Variants in SKA3 observed in about 807,000 individuals in gnomAD.
SKA3 encodes the protein spindle and kinetochore-associated protein 3.
A neutral mutation model predicts 44.2 loss-of-function variants in SKA3; 39 were observed. That is an observed-to-expected ratio of 0.88 (90% CI 0.68 to 1.15). The LOEUF is 1.15. SKA3 is among the 50% of genes most tolerant of loss of function. The pLI, the probability that SKA3 is intolerant of heterozygous loss-of-function variation, is 0.00. For missense variants in SKA3, 511 were observed against 485.8 expected (o/e 1.05, Z -0.49); for synonymous variants, 192 against 172.0 (o/e 1.12, Z -0.91).
intron 6 of SKA3, 40 bp from the exon 7 acceptor site, chr13:21,158,165 A>C: frequency 5.4e-6 from 7 of 1,284,492 alleles, no homozygotes; most frequent in Non-Finnish European, 7.8e-6. Context: ...TGGTAATATA[A>C]CATAATGTAG....
intron 6 of SKA3, among the ~76,000 whole-genome samples, chr13:21,158,431 G>A (rs946535529): frequency 2.6e-5 from 4 of 151,814 alleles, no homozygotes; most frequent in Non-Finnish European, 5.9e-5. Context: ...GACCAGCTTC[G>A]CCAACATGGT....
In SKA3 at chr13:21,154,133, T is replaced by C. The variant is rs886953915; in HGVS notation, c.*1017A>G. On this transcript the variant is annotated 3_prime_UTR_variant, in exon 9 of 9. Coordinates refer to ENST00000314759, the MANE Select transcript of SKA3 (RefSeq NM_145061.6). The stretch of plus-strand genomic sequence containing the variant: ...CCCAAAACTACGCCTTTGAAGTAAG[T>C]TGACATAATACTTGTTGTTTCTTCT... 1 of 152,250 alleles carries C rather than the reference T, an allele frequency of 6.6e-6. No homozygotes were observed. The highest frequency in any genetic ancestry group is 2.4e-5 in the African/African-American group (1 of 41,460). The allele number at this position is 152,250 out of a possible 1,614,324, so 9.4% of individuals were successfully genotyped here. A position where few individuals can be genotyped will look rare whatever the true frequency, so the allele number is the denominator to read the frequency against.
At chr13:21,163,092 C>T (rs1203119641) in intron 4 of SKA3, among the ~76,000 whole-genome samples, 2 of 151,926 alleles carry the variant, frequency 1.3e-5, no homozygotes, top group Non-Finnish European at 2.9e-5. Flanking sequence ...CATTTTACCT[C>T]TAAGAAAACT....
At position 21,159,790 on chromosome 13, in the gene SKA3, C is replaced by T. The variant is rs1291949065; in HGVS notation, c.915+112G>A. Reference sequence around the variant, plus strand: ...CCAGAAATGCACTGTAAATACATCCCTAAAAGCTGGATTCATCCATGTCTT... The same window carrying T: ...CCAGAAATGCACTGTAAATACATCCTTAAAAGCTGGATTCATCCATGTCTT... On this transcript the variant is annotated intron_variant, in intron 6 of 8. Transcript: ENST00000314759. The T allele has an allele frequency of 4.2e-6, 3 of 706,418 alleles. No homozygotes were observed. The Admixed American group carries it at 8.8e-5, about 21-fold the overall frequency. The allele number at this position is 706,418 out of a possible 1,614,324, so 43.8% of individuals were successfully genotyped here.
In SKA3 at chr13:21,176,301, T is replaced by C. The variant is rs919347194; in HGVS notation, c.103+74A>G. On this transcript the variant is annotated intron_variant, in intron 1 of 8. Transcript: ENST00000314759. ...AGTGCCTGGCGGTTCCCGTGGGACATACCGTCCACTCGCCACGCCCCTCCG... is the reference window on the plus strand; with the variant it reads ...AGTGCCTGGCGGTTCCCGTGGGACACACCGTCCACTCGCCACGCCCCTCCG... 3.9e-6 allele frequency: 5 copies of C among 1,295,276 alleles called. No individual in the cohort carries two copies. The South Asian group carries it at 4.2e-5, about 11-fold the overall frequency. The allele number at this position is 1,295,276 out of a possible 1,614,324, so 80.2% of individuals were successfully genotyped here. A position where few individuals can be genotyped will look rare whatever the true frequency, so the allele number is the denominator to read the frequency against.
chr13:21,158,620 C>A (rs969490172), intron 6 of SKA3, among the ~76,000 whole-genome samples: 5 of 152,022 alleles, frequency 3.3e-5, no homozygotes, highest in African/African-American at 1.2e-4. Flanking sequence ...GACTCCGTCA[C>A]AAACAAAACA....
intron 5 of SKA3, among the ~76,000 whole-genome samples, chr13:21,161,589 C>G (rs1329157716): frequency 6.6e-6 from 1 of 152,074 alleles, no homozygotes; most frequent in East Asian, 1.9e-4. Flanking sequence ...TGAACATAAT[C>G]AAGAGTATTA....
rs535272755 is a variant in SKA3 at position 21,165,766 on chromosome 13, C to G, written c.743+2222G>C. On this transcript the variant is annotated intron_variant, in intron 4 of 8. Coordinates refer to ENST00000314759, the MANE Select transcript of SKA3 (RefSeq NM_145061.6). The stretch of plus-strand genomic sequence containing the variant: ...TCTGGGCAACGTGGCAAAACCCCAT[C>G]TCTACTAAAAATAGAAAAATTAGCC... 1.2e-3 allele frequency among the ~76,000 whole-genome samples: 190 copies of G among 152,104 alleles called. 8 individuals are homozygous for G. The South Asian group carries it at 0.037, about 30-fold the overall frequency.
intron 1 of SKA3, among the ~76,000 whole-genome samples, chr13:21,174,532 G>C (rs1436757759): frequency 6.6e-6 from 1 of 151,994 alleles, no homozygotes; most frequent in Non-Finnish European, 1.5e-5. Context: ...ATTGAACAAT[G>C]AGAACACTTG....
At chr13:21,157,659 C>T (rs370750776) in intron 7 of SKA3, among the ~76,000 whole-genome samples, 2 of 152,158 alleles carry the variant, frequency 1.3e-5, no homozygotes, top group Non-Finnish European at 2.9e-5. Context: ...GATACCCTGG[C>T]TCTGGGAAAT....
rs766952195 is a variant in SKA3 at position 21,168,270 on chromosome 13, C to T, written c.461G>A (p.Arg154His). 5.0e-6 allele frequency: 8 copies of T among 1,614,066 alleles called. No individual in the cohort carries two copies. The highest frequency in any genetic ancestry group is 4.5e-5 in the East Asian group (2 of 44,902). The change falls in exon 4 of 9, where the codon CGT (arginine) becomes CAT (histidine). Residue 154 changes from arginine (R) to histidine (H), a missense_variant. Coordinates refer to ENST00000314759, the MANE Select transcript of SKA3 (RefSeq NM_145061.6). ...TCCAAAATCTGAAAGTTGTGGACTA[C>T]GTGGAGACTTCTCAGAAATACAACT... ...ASSCISEKSP[R>H]SPQLSDFGLE...
At chr13:21,168,536 G>A in intron 3 of SKA3, 137 bp from the exon 4 acceptor site, 1 of 810,428 alleles carries the variant, frequency 1.2e-6, no homozygotes, top group Non-Finnish European at 1.9e-6. Context: ...TATTTATTTA[G>A]TATTTATTGA....
chr13:21,175,898 G>A (rs1871480390), intron 1 of SKA3, among the ~76,000 whole-genome samples: 1 of 152,174 alleles, frequency 6.6e-6, no homozygotes, highest in Non-Finnish European at 1.5e-5. Flanking sequence ...CACTATATGT[G>A]TAAAGTATTG....
intron 4 of SKA3, among the ~76,000 whole-genome samples, chr13:21,163,468 A>G (rs1310483125): frequency 1.3e-5 from 2 of 152,214 alleles, no homozygotes; most frequent in Non-Finnish European, 2.9e-5. Context: ...AAATTTCATA[A>G]AGGCTTTTAT....
At chr13:21,159,459 C>A (rs891927935) in intron 6 of SKA3, among the ~76,000 whole-genome samples, 2 of 152,124 alleles carry the variant, frequency 1.3e-5, no homozygotes, top group Non-Finnish European at 2.9e-5. Context: ...CATACACACA[C>A]ATCATTTTCC....
At chr13:21,169,470 G>A (rs1870917542) in intron 3 of SKA3, among the ~76,000 whole-genome samples, 1 of 151,938 alleles carries the variant, frequency 6.6e-6, no homozygotes, top group Non-Finnish European at 1.5e-5. Flanking sequence ...CAGCGTGCTG[G>A]GATTACCCAT....
At chr13:21,165,544 A>G (rs531787475) in intron 4 of SKA3, among the ~76,000 whole-genome samples, 32 of 152,206 alleles carry the variant, frequency 2.1e-4, no homozygotes, top group Admixed American at 1.1e-3. Flanking sequence ...TACGTTTTTC[A>G]TGTGATTTTC....
chr13:21,170,872 A>G (rs1191841728), intron 3 of SKA3, among the ~76,000 whole-genome samples: 1 of 152,048 alleles, frequency 6.6e-6, no homozygotes, highest in African/African-American at 2.4e-5. Context: ...GAATTCTATG[A>G]TTCCACGTGG....
intron 3 of SKA3, among the ~76,000 whole-genome samples, chr13:21,171,904 C>T (rs960922660): frequency 2.6e-5 from 4 of 152,124 alleles, no homozygotes; most frequent in Non-Finnish European, 2.9e-5. Context: ...AAAAGGACTT[C>T]GTCAAATTTT....
Sources: gnomAD v4.1 joint callset for allele counts (sites outside exome capture counted in the v4.1 genomes callset) on GRCh38, gnomAD v4.1.1 for gene constraint, MANE v1.5 for transcripts, NCBI Gene and HGNC (gene_info 2026-07-23, HGNC 2026-07-21) for gene names.